XPO7: variants seen among roughly 807,000 people sequenced by gnomAD.
XPO7 encodes the protein exportin-7.
Under a neutral mutation model 144.3 loss-of-function variants are expected in XPO7, and 21 were observed. The ratio of observed to expected loss-of-function variants is 0.15; its 90% CI spans 0.10 to 0.21. XPO7 has a LOEUF of 0.21. Ranked by LOEUF, XPO7 falls within the 10% of genes least tolerant of loss-of-function variation. The probability of loss-of-function intolerance (pLI) is 1.00; values close to 1 mark genes in which losing one functional copy is unlikely to be tolerated. For synonymous variants in XPO7, 580 were observed against 499.6 expected, an observed-to-expected ratio of 1.16 and a Z score of -2.15; for missense variants, 808 against 1,325.8, an observed-to-expected ratio of 0.61 and a Z score of 6.06.
intron 1 of XPO7, among the ~76,000 whole-genome samples, chr8:21,963,523 G>T (rs1469440034): frequency 6.6e-6 from 1 of 152,004 alleles, no homozygotes; most frequent in African/African-American, 2.4e-5. Context: ...GTGAAACCCC[G>T]TCTCTACTAA....
chr8:21,943,404 A>G (rs909905312), intron 1 of XPO7, among the ~76,000 whole-genome samples: 1 of 152,182 alleles, frequency 6.6e-6, no homozygotes, highest in Non-Finnish European at 1.5e-5. Context: ...GCATGTTTTA[A>G]AATATTCTAA....
chr8:21,966,262 G>C (rs1482132159), intron 1 of XPO7: 2 of 779,462 alleles, frequency 2.6e-6, no homozygotes, highest in African/African-American at 3.4e-5. Context: ...AGTTTAAAGT[G>C]CAACAGAAGA....
chr8:21,963,979 A>ATG (rs1811807549), intron 1 of XPO7, among the ~76,000 whole-genome samples: 1 of 152,204 alleles, frequency 6.6e-6, no homozygotes, highest in South Asian at 2.1e-4. Context: ...TTTAAAGAAG[A>ATG]TGCATTCTTT....
intron 1 of XPO7, among the ~76,000 whole-genome samples, chr8:21,954,755 A>T (rs1811481627): frequency 6.6e-6 from 1 of 152,230 alleles, no homozygotes; most frequent in South Asian, 2.1e-4. Context: ...ACCAGAACTT[A>T]ATGAAGTGAG....
rs886876742 is a variant in XPO7, at chr8:22,002,041, C to G, written c.2783-71C>G. 3.3e-6 allele frequency: 5 copies of G among 1,518,054 alleles called. No individual in the cohort carries two copies. The African/African-American group carries it at 4.1e-5, about 13-fold the overall frequency. 94.0% of individuals were successfully genotyped at this position (1,518,054 alleles called of 1,614,324 possible). A position where few individuals can be genotyped will look rare whatever the true frequency, so the allele number is the denominator to read the frequency against. ...GCCACGGTACCCTAATGGATCTCACCCAAAGATAGTCCATATTTGTCCAGG... is the reference window on the plus strand; with the variant it reads ...GCCACGGTACCCTAATGGATCTCACGCAAAGATAGTCCATATTTGTCCAGG... On this transcript the variant is annotated intron_variant, in intron 24 of 27. Transcript: ENST00000252512.
intron 16 of XPO7, 91 bp downstream of exon 16, chr8:21,989,174 T>A: frequency 3.3e-6 from 4 of 1,208,164 alleles, no homozygotes; most frequent in South Asian, 1.3e-5. Flanking sequence ...CACTTCAGTT[T>A]AGCTGTAGTG....
chr8:22,000,739 C>T (rs1813113774), intron 24 of XPO7, among the ~76,000 whole-genome samples: 1 of 152,168 alleles, frequency 6.6e-6, no homozygotes, highest in South Asian at 2.1e-4. Context: ...AGGCATGAGC[C>T]ACCGTGCCTG....
chr8:21,933,327 CCT>C (rs920787853), intron 1 of XPO7, among the ~76,000 whole-genome samples: 30 of 152,034 alleles, frequency 2.0e-4, no homozygotes, highest in African/African-American at 6.5e-4. Context: ...GTCTTGATCT[CCT>C]GACCTCGTGA....
chr8:21,927,706 C>A (rs1810505859), intron 1 of XPO7, among the ~76,000 whole-genome samples: 3 of 152,046 alleles, frequency 2.0e-5, no homozygotes, highest in East Asian at 1.9e-4. Flanking sequence ...CCACCACGCC[C>A]AGCTAATTTT....
intron 2 of XPO7, 69 bp from the exon 3 acceptor site, chr8:21,969,414 C>G: frequency 7.4e-7 from 1 of 1,355,460 alleles, no homozygotes; most frequent in Non-Finnish European, 1.0e-6. Context: ...GCAGAGATCT[C>G]CAAGTTAAAA....
At chr8:21,956,794 G>T (rs1425320141) in intron 1 of XPO7, among the ~76,000 whole-genome samples, 1 of 146,172 alleles carries the variant, frequency 6.8e-6, no homozygotes, top group African/African-American at 2.5e-5. Flanking sequence ...GGGCTTAATT[G>T]TATGTTTTCA....
chr8:21,979,386 C>CT (rs1052324132), intron 8 of XPO7, among the ~76,000 whole-genome samples: 96 of 138,638 alleles, frequency 6.9e-4, no homozygotes, highest in African/African-American at 2.0e-3. Flanking sequence ...ATGCTTATTT[C>CT]TTTTTTTTTT....
At chr8:21,924,048 G>A (rs367602145) in intron 1 of XPO7, among the ~76,000 whole-genome samples, 10 of 152,194 alleles carry the variant, frequency 6.6e-5, no homozygotes, top group Admixed American at 3.9e-4. Context: ...CTCTCAGCTG[G>A]GGCTCCGGGC....
intron 22 of XPO7, 101 bp downstream of exon 22, chr8:21,998,938 G>T: frequency 1.4e-6 from 2 of 1,476,542 alleles, no homozygotes; most frequent in Non-Finnish European, 1.9e-6. Flanking sequence ...CAGGAGCCAG[G>T]ACAGCATTCG....
chr8:21,967,866 A>C (rs1227636009), intron 2 of XPO7, among the ~76,000 whole-genome samples: 2 of 152,220 alleles, frequency 1.3e-5, no homozygotes, highest in Non-Finnish European at 2.9e-5. Context: ...TGAAAAAATC[A>C]CTATCTTTGG....
chr8:21,981,712 T>C lies in XPO7; in HGVS notation c.958-19T>C, dbSNP rs910447794. ...TAAGGCACATTTTACATTTTATTTT[T>C]CTCCTCTGCTACTGCCAGAGTTTAT... On this transcript the variant is annotated intron_variant, in intron 9 of 27. Coordinates refer to ENST00000252512, the MANE Select transcript of XPO7 (RefSeq NM_015024.5). 1 of 1,612,364 alleles carries C rather than the reference T, an allele frequency of 6.2e-7. No homozygotes were observed. The highest frequency in any genetic ancestry group is 2.2e-5 in the East Asian group (1 of 44,834).
chr8:21,991,999 T>A, intron 19 of XPO7, 25 bp downstream of exon 19: 1 of 1,585,918 alleles, frequency 6.3e-7, no homozygotes, highest in Non-Finnish European at 8.6e-7. Flanking sequence ...CACCCAGTAA[T>A]TAATCAGCTT....
At chr8:21,940,584 C>T (rs1360877713) in intron 1 of XPO7, among the ~76,000 whole-genome samples, 3 of 151,584 alleles carry the variant, frequency 2.0e-5, no homozygotes, top group Non-Finnish European at 4.4e-5. Flanking sequence ...ATTATCCTGT[C>T]TTAGCCTCCC....
chr8:21,976,210 A>C (rs1050880619), intron 6 of XPO7, 146 bp from the exon 7 acceptor site: 10 of 789,526 alleles, frequency 1.3e-5, no homozygotes, highest in Admixed American at 9.5e-5. Flanking sequence ...CAGGTGATAG[A>C]AGTACCACAT....
Sources: allele counts gnomAD v4.1 joint callset (sites outside exome capture counted in the v4.1 genomes callset), GRCh38; gene constraint gnomAD v4.1.1; transcripts MANE v1.5; gene names NCBI Gene and HGNC (gene_info 2026-07-23, HGNC 2026-07-21).